BAALC: variants seen among roughly 807,000 people sequenced by gnomAD.
The protein encoded by BAALC is brain and acute leukemia cytoplasmic protein.
In BAALC, 9 loss-of-function variants were observed where a neutral mutation model predicts 15.5. That is an observed-to-expected ratio of 0.58 (90% CI 0.35 to 1.02). The LOEUF (loss-of-function observed/expected upper bound fraction) is 1.02. Ranked by LOEUF, BAALC falls within the 50% of genes least tolerant of loss-of-function variation. BAALC has a pLI of 0.02. For missense variants in BAALC, 201 were observed against 192.4 expected (o/e 1.04, Z -0.27); for synonymous variants, 80 against 74.6 (o/e 1.07, Z -0.37).
intron 1 of BAALC, among the ~76,000 whole-genome samples, chr8:103,204,317 G>T (rs924020523): frequency 6.6e-6 from 1 of 152,106 alleles, no homozygotes; most frequent in Non-Finnish European, 1.5e-5. Context: ...TTGAAAGTTA[G>T]TTCCTTACCA....
At chr8:103,144,574 C>A (rs1001541755) in intron 1 of BAALC, among the ~76,000 whole-genome samples, 28 of 152,168 alleles carry the variant, frequency 1.8e-4, no homozygotes, top group Admixed American at 6.5e-5. Context: ...CATGACCCAA[C>A]CTAGCTCAGT....
At chr8:103,199,194 G>A (rs1222762234) in intron 1 of BAALC, among the ~76,000 whole-genome samples, 1 of 152,170 alleles carries the variant, frequency 6.6e-6, no homozygotes, top group African/African-American at 2.4e-5. Flanking sequence ...TTATTTTGAT[G>A]TGCACATTTT....
chr8:103,224,105 C>T (rs570095227), intron 2 of BAALC, among the ~76,000 whole-genome samples: 1 of 119,000 alleles, frequency 8.4e-6, no homozygotes, highest in South Asian at 2.8e-4. Context: ...GCATGTGCTT[C>T]TGCGTGCGTC....
intron 1 of BAALC, among the ~76,000 whole-genome samples, chr8:103,179,772 C>T (rs1372468899): frequency 6.6e-6 from 1 of 152,246 alleles, no homozygotes; most frequent in Admixed American, 6.5e-5. Flanking sequence ...GCTCTTGAGG[C>T]ACTGATGGTC....
intron 1 of BAALC, among the ~76,000 whole-genome samples, chr8:103,174,189 T>C (rs1327425941): frequency 1.3e-5 from 2 of 149,720 alleles, no homozygotes; most frequent in African/African-American, 2.5e-5. Context: ...CCCATCAAGA[T>C]GGAGTTCTCT....
Position 103,228,406 on chromosome 8 carries a change from A to G in BAALC, c.*307A>G, listed in dbSNP as rs1464702937. 3.9e-6 allele frequency: 1 copy of G among 255,320 alleles called. No individual in the cohort carries two copies. The highest frequency in any genetic ancestry group is 8.7e-5 in the East Asian group (1 of 11,470). The allele number at this position is 255,320 out of a possible 1,614,324, so 15.8% of individuals were successfully genotyped here. A position where few individuals can be genotyped will look rare whatever the true frequency, so the allele number is the denominator to read the frequency against. ...GGTGTAAAAGTAGTGAGTTAAAGCT[A>G]CAGGTCAGTTTATGAAACAGAAAAG... On this transcript the variant is annotated 3_prime_UTR_variant, in exon 3 of 3. Transcript: ENST00000309982.
At position 103,213,054 on chromosome 8, in the gene BAALC, C is replaced by T; in HGVS notation, c.296C>T (p.Thr99Ile). 1 of 1,614,092 alleles carries T rather than the reference C, an allele frequency of 6.2e-7. No homozygotes were observed. Among genetic ancestry groups the T allele is most frequent in the Non-Finnish European group, 8.5e-7 (1 of 1,179,968 alleles). Residue 99 changes from threonine (T) to isoleucine (I), a missense_variant, in exon 2 of 3, where the codon ACC (threonine) becomes ATC (isoleucine). By Grantham distance (89) the Thr-to-Ile change is moderately conservative (BLOSUM62 -1). Coordinates refer to ENST00000309982, the MANE Select transcript of BAALC (RefSeq NM_024812.3). ...NPQSLSSGPL[T>I]QKQNGLQTTE... ...CAGAGCCTCAGCTCAGGCCCTCTGA[C>T]CCAGAAACAGAATGGCCTTCAGACC...
At chr8:103,151,689 C>T (rs572653582) in intron 1 of BAALC, among the ~76,000 whole-genome samples, 7 of 152,204 alleles carry the variant, frequency 4.6e-5, no homozygotes, top group African/African-American at 1.7e-4. Context: ...CTATTCATTC[C>T]TCATTAATAT....
At chr8:103,145,153 T>C (rs1168433977) in intron 1 of BAALC, among the ~76,000 whole-genome samples, 1 of 152,250 alleles carries the variant, frequency 6.6e-6, no homozygotes, top group Non-Finnish European at 1.5e-5. Flanking sequence ...TCTACTCTGA[T>C]CTCAGACAGC....
chr8:103,147,486 G>A (rs6468860), intron 1 of BAALC, among the ~76,000 whole-genome samples: 111,401 of 151,872 alleles, frequency 0.73, 40,970 homozygotes, highest in East Asian at 0.86. Context: ...TTTTTCTTCG[G>A]TTAATAGGCC....
intron 1 of BAALC, among the ~76,000 whole-genome samples, chr8:103,182,792 C>T (rs1328434725): frequency 6.6e-6 from 1 of 152,150 alleles, no homozygotes. Flanking sequence ...AATGACCTAC[C>T]AGGCTGCTAA....
chr8:103,168,707 A>G (rs1811407458), intron 1 of BAALC, among the ~76,000 whole-genome samples: 1 of 150,780 alleles, frequency 6.6e-6, no homozygotes, highest in African/African-American at 2.4e-5. Flanking sequence ...CTTGGCCTTG[A>G]CTCTTTCTTT....
At chr8:103,145,286 C>T (rs1046707518) in intron 1 of BAALC, among the ~76,000 whole-genome samples, 3 of 152,214 alleles carry the variant, frequency 2.0e-5, no homozygotes, top group South Asian at 2.1e-4. Flanking sequence ...AATTTCTACC[C>T]GGTGAACTCC....
At chr8:103,182,617 G>A (rs1811752409) in intron 1 of BAALC, among the ~76,000 whole-genome samples, 1 of 152,204 alleles carries the variant, frequency 6.6e-6, no homozygotes, top group African/African-American at 2.4e-5. Context: ...AGTCCTGATA[G>A]TAGAGACCCT....
At chr8:103,172,094 T>C (rs1048993057) in intron 1 of BAALC, 1 of 152,246 alleles carries the variant, frequency 6.6e-6, no homozygotes, top group African/African-American at 2.4e-5. Flanking sequence ...AACTGTCTCT[T>C]TGGGCTTCTG....
intron 1 of BAALC, among the ~76,000 whole-genome samples, chr8:103,160,895 A>G (rs1811209330): frequency 6.6e-6 from 1 of 152,098 alleles, no homozygotes; most frequent in Non-Finnish European, 1.5e-5. Flanking sequence ...ACCCAGATTA[A>G]GGGTGGGTCT....
intron 1 of BAALC, among the ~76,000 whole-genome samples, chr8:103,162,833 C>T (rs112672630): frequency 1.8e-3 from 280 of 152,182 alleles, no homozygotes; most frequent in African/African-American, 6.3e-3. Context: ...TGGTAAGACA[C>T]GAGACTCCAG....
At chr8:103,161,028 A>G (rs1316079397) in intron 1 of BAALC, among the ~76,000 whole-genome samples, 1 of 152,168 alleles carries the variant, frequency 6.6e-6, no homozygotes, top group African/African-American at 2.4e-5. Context: ...TAACCATCAC[A>G]GTGGTTAAGC....
chr8:103,190,545 G>A (rs1167510110), intron 1 of BAALC, among the ~76,000 whole-genome samples: 1 of 152,006 alleles, frequency 6.6e-6, no homozygotes, highest in Non-Finnish European at 1.5e-5. Flanking sequence ...ATTATCTAGG[G>A]GTATTATAAA....
Sources: gnomAD v4.1 joint callset for allele counts (sites outside exome capture counted in the v4.1 genomes callset) on GRCh38, gnomAD v4.1.1 for gene constraint, MANE v1.5 for transcripts, NCBI Gene and HGNC (gene_info 2026-07-23, HGNC 2026-07-21) for gene names.